The following RBFOX1 variants were observed in gnomAD, a reference collection of about 807,000 sequenced individuals.
RBFOX1 encodes the protein RNA binding protein fox-1 homolog 1.
In RBFOX1, 8 loss-of-function variants were observed where a neutral mutation model predicts 57.7. The ratio of observed to expected loss-of-function variants is 0.14; its 90% CI spans 0.08 to 0.25. The LOEUF is 0.25. Among genes scored for constraint, RBFOX1 ranks in the 10% least tolerant of loss-of-function variants. RBFOX1 has a pLI of 1.00. For missense variants in RBFOX1, 611 were observed against 548.5 expected, an observed-to-expected ratio of 1.11 and a Z score of -1.14; for synonymous variants, 326 against 222.4, an observed-to-expected ratio of 1.47 and a Z score of -4.15.
intron 1 of RBFOX1, among the ~76,000 whole-genome samples, chr16:5,294,984 C>T (rs972896861): frequency 7.5e-6 from 1 of 133,112 alleles, no homozygotes. Context: ...GAGCCGAGAT[C>T]GCACCATTGC....
chr16:5,405,619 A>G (rs78224168), intron 1 of RBFOX1, among the ~76,000 whole-genome samples: 1,677 of 152,338 alleles, frequency 0.011, 43 homozygotes, highest in African/African-American at 0.039. Flanking sequence ...ACAAATGTGA[A>G]AAAATGAGTT....
intron 4 of RBFOX1, among the ~76,000 whole-genome samples, chr16:7,347,907 G>T (rs2097048738): frequency 6.6e-6 from 1 of 152,104 alleles, no homozygotes; most frequent in Non-Finnish European, 1.5e-5. Flanking sequence ...AGCCTTCAGT[G>T]CACCCTATCC....
chr16:6,088,125 G>C (rs1373885006), intron 1 of RBFOX1, among the ~76,000 whole-genome samples: 1 of 152,108 alleles, frequency 6.6e-6, no homozygotes, highest in Non-Finnish European at 1.5e-5. Flanking sequence ...CTCATCATCT[G>C]TAACGGTGGC....
chr16:6,820,589 T>C (rs7191728), intron 3 of RBFOX1, among the ~76,000 whole-genome samples: 75,542 of 151,764 alleles, frequency 0.5, 20,085 homozygotes, highest in Non-Finnish European at 0.6. Context: ...AGCCCGGGAG[T>C]TAGAGGCTGC....
chr16:5,678,948 G>A (rs938845941), intron 3 of RBFOX1, among the ~76,000 whole-genome samples: 8 of 152,204 alleles, frequency 5.3e-5, no homozygotes, highest in African/African-American at 1.9e-4. Flanking sequence ...GAGGATGTAG[G>A]TACCTCAGTG....
intron 2 of RBFOX1, among the ~76,000 whole-genome samples, chr16:6,599,458 G>A (rs74894322): frequency 6.6e-6 from 1 of 151,996 alleles, no homozygotes; most frequent in Non-Finnish European, 1.5e-5. Context: ...GAATAACAAG[G>A]ACGCTTCAAA....
chr16:6,821,387 T>C (rs952050746), intron 3 of RBFOX1, among the ~76,000 whole-genome samples: 5 of 152,192 alleles, frequency 3.3e-5, no homozygotes, highest in African/African-American at 1.2e-4. Context: ...TTTTAAAAAA[T>C]TTCATTGAGG....
intron 4 of RBFOX1, among the ~76,000 whole-genome samples, chr16:7,355,441 G>A (rs1178643232): frequency 2.0e-5 from 3 of 152,102 alleles, no homozygotes; most frequent in African/African-American, 7.2e-5. Flanking sequence ...GACAATACCT[G>A]CTAACGATTT....
In RBFOX1 at chr16:6,091,753, C is replaced by T. The variant is rs138752506; in HGVS notation, c.-127+71761C>T. Among the ~76,000 whole-genome samples the T allele has an allele frequency of 4.3e-4, 66 of 152,300 alleles. 1 individual carries two copies. The highest frequency in any genetic ancestry group is 1.5e-3 in the African/African-American group (64 of 41,560). ...ACCGAGGCTGGGAGAATTGCTTGAA[C>T]CTGGGAGTTGGAGGTTGCAGAGAGC... is the stretch of plus-strand genomic sequence containing the variant. On this transcript the variant is annotated intron_variant, in intron 1 of 15. Transcript: ENST00000550418.
intron 4 of RBFOX1, among the ~76,000 whole-genome samples, chr16:7,502,262 A>T (rs2071174048): frequency 6.6e-6 from 1 of 152,246 alleles, no homozygotes; most frequent in East Asian, 1.9e-4. Context: ...CAAACACCTG[A>T]TTACTATGTG....
At chr16:7,627,377 G>T (rs2060243221) in intron 10 of RBFOX1, among the ~76,000 whole-genome samples, 1 of 152,108 alleles carries the variant, frequency 6.6e-6, no homozygotes, top group Non-Finnish European at 1.5e-5. Flanking sequence ...TTCCGTTCTG[G>T]CTAAAGAATG....
intron 14 of RBFOX1, among the ~76,000 whole-genome samples, chr16:7,704,133 G>C (rs940213422): frequency 3.9e-5 from 6 of 152,130 alleles, no homozygotes; most frequent in African/African-American, 1.4e-4. Flanking sequence ...TGAGAGCAAG[G>C]ACATCATAAA....
rs557031862 is a variant in RBFOX1 at position 6,865,636 on chromosome 16, A to T, written c.-15-186421A>T. Among the ~76,000 whole-genome samples the T allele has an allele frequency of 1.1e-4, 16 of 152,328 alleles. No homozygotes were observed. In the South Asian group the frequency reaches 2.9e-3, roughly 28 times the overall value. On this transcript the variant is annotated intron_variant, in intron 3 of 15. Coordinates refer to ENST00000550418, the MANE Select transcript of RBFOX1 (RefSeq NM_018723.4). ...AATAAGATACTATGGACTGAGATGT[A>T]TTCTTCATGACGTGTGATGACAACG...
chr16:6,990,157 C>T (rs1226092663), intron 3 of RBFOX1, among the ~76,000 whole-genome samples: 1 of 152,176 alleles, frequency 6.6e-6, no homozygotes, highest in Non-Finnish European at 1.5e-5. Flanking sequence ...AGTAGGGATT[C>T]AGTAAGTATG....
chr16:7,074,366 C>A (rs1488096234), intron 4 of RBFOX1, among the ~76,000 whole-genome samples: 1 of 152,000 alleles, frequency 6.6e-6, no homozygotes, highest in African/African-American at 2.4e-5. Context: ...ACGGCTTTTG[C>A]CATTAAAATG....
intron 3 of RBFOX1, among the ~76,000 whole-genome samples, chr16:5,804,314 T>C (rs1241968240): frequency 6.6e-6 from 1 of 152,208 alleles, no homozygotes; most frequent in East Asian, 1.9e-4. Context: ...GATGAATGGA[T>C]GGATGGATGA....
At chr16:6,646,156 A>C (rs2154078374) in intron 2 of RBFOX1, among the ~76,000 whole-genome samples, 1 of 152,230 alleles carries the variant, frequency 6.6e-6, no homozygotes, top group Non-Finnish European at 1.5e-5. Context: ...TGAAGTACTT[A>C]CTTGACGAGT....
chr16:6,496,078 T>C (rs549953513), intron 2 of RBFOX1, among the ~76,000 whole-genome samples: 1 of 152,298 alleles, frequency 6.6e-6, no homozygotes, highest in African/African-American at 2.4e-5. Context: ...TTCCATGAAA[T>C]GTTAACAAGA....
At chr16:6,698,840 C>T (rs1037474082) in intron 3 of RBFOX1, among the ~76,000 whole-genome samples, 1 of 152,060 alleles carries the variant, frequency 6.6e-6, no homozygotes, top group Non-Finnish European at 1.5e-5. Flanking sequence ...ATTCCATGTC[C>T]CCCACCTTCT....
Sources: gnomAD v4.1 joint callset for allele counts (sites outside exome capture counted in the v4.1 genomes callset) on GRCh38, gnomAD v4.1.1 for gene constraint, MANE v1.5 for transcripts, NCBI Gene and HGNC (gene_info 2026-07-23, HGNC 2026-07-21) for gene names.